The following SLC8A1 variants were observed in gnomAD, a reference collection of about 807,000 sequenced individuals.
The protein encoded by SLC8A1 is solute carrier family 8 member A1.
Under a neutral mutation model 68.3 loss-of-function variants are expected in SLC8A1, and 18 were observed. That is an observed-to-expected ratio of 0.26 (90% confidence interval 0.18 to 0.39). The LOEUF is 0.39. SLC8A1 is among the 10% of genes least tolerant of loss of function. The pLI, the probability that SLC8A1 is intolerant of heterozygous loss-of-function variation, is 1.00. For synonymous variants in SLC8A1, 475 were observed against 415.5 expected (o/e 1.14, Z -1.74); for missense variants, 985 against 1,156.7 (o/e 0.85, Z 2.15).
intron 2 of SLC8A1, among the ~76,000 whole-genome samples, chr2:40,419,735 GAATT>G (rs1694949975): frequency 6.6e-6 from 1 of 152,074 alleles, no homozygotes. Flanking sequence ...TGCGCCCTAA[GAATT>G]AAACCCTATG....
At chr2:40,360,694 C>A (rs1674345940) in intron 2 of SLC8A1, among the ~76,000 whole-genome samples, 1 of 152,138 alleles carries the variant, frequency 6.6e-6, no homozygotes, top group African/African-American at 2.4e-5. Flanking sequence ...GTAAAGGCAA[C>A]AAACCCAAGG....
chr2:40,228,197 G>A (rs2059224018), intron 2 of SLC8A1, among the ~76,000 whole-genome samples: 1 of 152,186 alleles, frequency 6.6e-6, no homozygotes, highest in African/African-American at 2.4e-5. Context: ...TCATTGCAGT[G>A]TAAAGGTTAC....
chr2:40,383,918 T>A (rs979055012), intron 2 of SLC8A1, among the ~76,000 whole-genome samples: 4 of 152,114 alleles, frequency 2.6e-5, no homozygotes, highest in Non-Finnish European at 4.4e-5. Context: ...CATTCACAGA[T>A]CTGGTAACAG....
intron 2 of SLC8A1, among the ~76,000 whole-genome samples, chr2:40,232,366 G>A (rs898180670): frequency 1.3e-5 from 2 of 150,734 alleles, no homozygotes; most frequent in Non-Finnish European, 3.0e-5. Context: ...TTTTAAGAGA[G>A]ATGGGGCATG....
exon 5 of SLC8A1, chr2:40,164,876 A>G: frequency 6.2e-7 from 1 of 1,613,920 alleles, no homozygotes; most frequent in Non-Finnish European, 8.5e-7. Context: ...GGATTCTTCA[A>G]TGATCACTTC....
At chr2:40,470,184 T>A (rs1019844054) in intron 1 of SLC8A1, among the ~76,000 whole-genome samples, 14 of 152,148 alleles carry the variant, frequency 9.2e-5, no homozygotes, top group Non-Finnish European at 1.8e-4. Context: ...GATAACAGCA[T>A]TAAAACTCAG....
chr2:40,238,068 G>A (rs1249045578), intron 2 of SLC8A1, among the ~76,000 whole-genome samples: 2 of 152,228 alleles, frequency 1.3e-5, no homozygotes, highest in Non-Finnish European at 2.9e-5. Flanking sequence ...GTTTGTCTGT[G>A]CCCTGCCCCC....
At chr2:40,491,015 T>A (rs1178400983) in intron 1 of SLC8A1, among the ~76,000 whole-genome samples, 1 of 152,136 alleles carries the variant, frequency 6.6e-6, no homozygotes, top group Non-Finnish European at 1.5e-5. Flanking sequence ...AACGTAAGAA[T>A]GTTAAAACCA....
chr2:40,280,974 G>C (rs1368499182), intron 2 of SLC8A1, among the ~76,000 whole-genome samples: 2 of 152,166 alleles, frequency 1.3e-5, no homozygotes, highest in African/African-American at 4.8e-5. Flanking sequence ...AATTTTTATT[G>C]CTTATCTTTC....
chr2:40,347,684 T>A (rs1305664816), intron 2 of SLC8A1, among the ~76,000 whole-genome samples: 2 of 152,234 alleles, frequency 1.3e-5, no homozygotes, highest in Admixed American at 1.3e-4. Context: ...CTAACAATTT[T>A]AAAATAAAAC....
chr2:40,183,138 A>G (rs2049957631), intron 2 of SLC8A1, among the ~76,000 whole-genome samples: 1 of 152,192 alleles, frequency 6.6e-6, no homozygotes, highest in African/African-American at 2.4e-5. Flanking sequence ...ATTGACAGGG[A>G]AAACAATGAC....
chr2:40,259,326 C>G (rs1389209676), intron 2 of SLC8A1, among the ~76,000 whole-genome samples: 2 of 152,170 alleles, frequency 1.3e-5, no homozygotes, highest in African/African-American at 2.4e-5. Flanking sequence ...TTCAACAGCT[C>G]CTTCCACACC....
intron 1 of SLC8A1, among the ~76,000 whole-genome samples, chr2:40,488,012 C>T (rs1705081600): frequency 6.6e-6 from 1 of 152,004 alleles, no homozygotes; most frequent in African/African-American, 2.4e-5. Flanking sequence ...AGTTTAAAGC[C>T]AGCTGACTGA....
intron 2 of SLC8A1, among the ~76,000 whole-genome samples, chr2:40,412,032 A>C (rs1235296801): frequency 6.6e-6 from 1 of 152,182 alleles, no homozygotes; most frequent in African/African-American, 2.4e-5. Context: ...ATACGTGGAA[A>C]CAGGCAGAGA....
At position 40,429,910 on chromosome 2, in the gene SLC8A1, T is replaced by C. The variant is rs879232704; in HGVS notation, c.371A>G (p.Lys124Arg). Reference sequence around the variant, plus strand: ...TTCATTCCAGATCCTCACAGTTGTCTTGGTGGTCTCTCCATTGGGTTTCTT... The same window carrying C: ...TTCATTCCAGATCCTCACAGTTGTCCTGGTGGTCTCTCCATTGGGTTTCTT... The change falls in exon 2 of 8, where the codon AAG becomes AGG. Residue 124 changes from lysine to arginine, a missense_variant. Physicochemically the swap from Lys to Arg is conservative, Grantham distance 26. Transcript: ENST00000406785. 2.5e-6 allele frequency: 4 copies of C among 1,613,494 alleles called. No individual in the cohort carries two copies. In the African/African-American group the frequency reaches 4.0e-5, roughly 16 times the overall value.
intron 2 of SLC8A1, among the ~76,000 whole-genome samples, chr2:40,287,088 T>C (rs2068441919): frequency 6.6e-6 from 1 of 152,184 alleles, no homozygotes; most frequent in Non-Finnish European, 1.5e-5. Context: ...TGGAACTCAG[T>C]AAGCAATGTT....
intron 2 of SLC8A1, among the ~76,000 whole-genome samples, chr2:40,401,266 C>T (rs897622972): frequency 1.3e-5 from 2 of 152,192 alleles, no homozygotes; most frequent in Non-Finnish European, 2.9e-5. Flanking sequence ...AGAAACTGTA[C>T]TTGTACCATT....
intron 1 of SLC8A1, among the ~76,000 whole-genome samples, chr2:40,439,281 C>T (rs1332678369): frequency 6.6e-6 from 1 of 152,062 alleles, no homozygotes; most frequent in Non-Finnish European, 1.5e-5. Context: ...GTGACAAAGA[C>T]TTAGGATAAA....
chr2:40,438,318 A>T (rs1431688917), intron 1 of SLC8A1, among the ~76,000 whole-genome samples: 1 of 152,176 alleles, frequency 6.6e-6, no homozygotes, highest in Non-Finnish European at 1.5e-5. Flanking sequence ...CTAGGTCACC[A>T]AAAAGGATTT....
Sources: allele counts gnomAD v4.1 joint callset (sites outside exome capture counted in the v4.1 genomes callset), GRCh38; gene constraint gnomAD v4.1.1; transcripts MANE v1.5; gene names NCBI Gene and HGNC (gene_info 2026-07-23, HGNC 2026-07-21).